LTV1: variants seen among roughly 807,000 people sequenced by gnomAD.
LTV1 encodes protein LTV1 homolog.
Under a neutral mutation model 59.9 loss-of-function variants are expected in LTV1, and 39 were observed. The ratio of observed to expected loss-of-function variants is 0.65; its 90% CI spans 0.50 to 0.85. The LOEUF is 0.85. LTV1 is among the 40% of genes least tolerant of loss of function. LTV1 has a pLI of 0.00. For synonymous variants in LTV1, 171 were observed against 189.5 expected, an observed-to-expected ratio of 0.90 and a Z score of 0.80; for missense variants, 493 against 549.1, an observed-to-expected ratio of 0.90 and a Z score of 1.02.
Position 143,846,057 on chromosome 6 carries a change from A to G in LTV1, c.142A>G (p.Asn48Asp). 1 of 1,612,608 alleles carries G rather than the reference A, an allele frequency of 6.2e-7. No homozygotes were observed. The highest frequency in any genetic ancestry group is 2.2e-5 in the East Asian group (1 of 44,878). Residue 48 changes from asparagine to aspartate, a missense_variant, in exon 3 of 11, where the codon AAT (asparagine) becomes GAT (aspartate). Transcript: ENST00000367576. The part of the protein sequence containing the change: ...RVLLPTQKID[N>D]EERRAEQRKY... ...AATTCCATTTCGTTTATAGATAGAC[A>G]ATGAAGAAAGGCGAGCAGAACAGAG... is the stretch of plus-strand genomic sequence containing the variant.
In LTV1 at chr6:143,862,933, G is replaced by T; in HGVS notation, c.1116+37G>T. On this transcript the variant is annotated intron_variant, in intron 9 of 10. Coordinates refer to ENST00000367576, the MANE Select transcript of LTV1 (RefSeq NM_032860.5). The surrounding 1 kb of genome is among the most constrained non-coding windows in gnomAD (Gnocchi z 4.2). The stretch of plus-strand genomic sequence containing the variant: ...TGTGCTGAGCTATTTGAAGGATGCA[G>T]TGCATAAAAAATAGAGTGCACATTT... 6.6e-7 allele frequency: 1 copy of T among 1,521,452 alleles called. No homozygotes were observed. Among genetic ancestry groups the T allele is most frequent in the Non-Finnish European group, 9.1e-7 (1 of 1,096,284 alleles). The allele number at this position is 1,521,452 out of a possible 1,614,324, so 94.2% of individuals were successfully genotyped here.
chr6:143,860,377 ACT>A (rs767310742), intron 6 of LTV1, 47 bp from the exon 7 acceptor site: 1 of 1,583,240 alleles, frequency 6.3e-7, no homozygotes, highest in Non-Finnish European at 8.6e-7. Context: ...GTGTAGTCTT[ACT>A]GAGTACATTT....
At chr6:143,852,190 A>G (rs941270532) in intron 4 of LTV1, among the ~76,000 whole-genome samples, 5 of 152,226 alleles carry the variant, frequency 3.3e-5, no homozygotes, top group African/African-American at 2.4e-5. Flanking sequence ...ACTCCCAACA[A>G]CAACATAAAA....
chr6:143,849,986 CT>C, intron 3 of LTV1, 144 bp from the exon 4 acceptor site: 2 of 593,438 alleles, frequency 3.4e-6, no homozygotes, highest in Non-Finnish European at 3.0e-6. Flanking sequence ...AAGACCTCAT[CT>C]TATTATAGTT....
At chr6:143,859,662 T>TC (rs1360479238) in intron 6 of LTV1, among the ~76,000 whole-genome samples, 1 of 152,112 alleles carries the variant, frequency 6.6e-6, no homozygotes, top group East Asian at 1.9e-4. Flanking sequence ...AGGAGATATA[T>TC]CCCCCCCATT....
At chr6:143,860,262 A>G (rs534962187) in intron 6 of LTV1, among the ~76,000 whole-genome samples, 164 bp from the exon 7 acceptor site, 12 of 152,326 alleles carry the variant, frequency 7.9e-5, no homozygotes, top group African/African-American at 2.6e-4. Flanking sequence ...TATCTTCCAC[A>G]TCCTATTGTT....
Position 143,855,605 on chromosome 6 carries a change from G to T in LTV1, c.398-1698G>T, listed in dbSNP as rs1033553440. Among the ~76,000 whole-genome samples, 5 of 152,084 alleles carry T rather than the reference G, an allele frequency of 3.3e-5. No individual in the cohort carries two copies. The highest frequency in any genetic ancestry group is 1.2e-4 in the African/African-American group (5 of 41,402). On this transcript the variant is annotated intron_variant, in intron 4 of 10. Transcript: ENST00000367576. The surrounding 1 kb of genome is among the most constrained non-coding windows in gnomAD (Gnocchi z 4.6). ...CCAGTTTTTCCTTTCCATATTTAGT[G>T]CTTCCTTCAGGAGCTCTTGTAAGGC...
chr6:143,846,531 A>G (rs1776893799), intron 3 of LTV1, among the ~76,000 whole-genome samples: 1 of 152,240 alleles, frequency 6.6e-6, no homozygotes, highest in Admixed American at 6.5e-5. Flanking sequence ...CATGTTAACA[A>G]CATAACTGTT....
At chr6:143,851,198 G>A (rs577809406) in intron 4 of LTV1, among the ~76,000 whole-genome samples, 3 of 152,290 alleles carry the variant, frequency 2.0e-5, no homozygotes, top group Admixed American at 2.0e-4. Flanking sequence ...AGAGGGTGTT[G>A]GAGGCCATGT....
rs1192829601 is a variant in LTV1 at position 143,862,094 on chromosome 6, C to T, written c.924-10C>T. The T allele has an allele frequency of 5.0e-6, 8 of 1,604,626 alleles. No individual in the cohort carries two copies. Among genetic ancestry groups the T allele is most frequent in the African/African-American group, 1.3e-5 (1 of 74,534 alleles). ...CTCTTGGTCTTCACTTTTAAAAACT[C>T]GTCTAAAAGTTGTGTAAAATTGAAT... On this transcript the variant is annotated splice_polypyrimidine_tract_variant and intron_variant, in intron 7 of 10. Coordinates refer to ENST00000367576, the MANE Select transcript of LTV1 (RefSeq NM_032860.5). This position sits in a 1 kb window ranked among gnomAD's most constrained non-coding sequence, Gnocchi z 4.2.
At position 143,862,795 on chromosome 6, in the gene LTV1, G is replaced by A. The variant is rs763744452; in HGVS notation, c.1064-49G>A. ...TAGTAGGAATTCAGTAATGCTTTGT[G>A]GAACTGAAAACATGCTTACTGATAC... is the stretch of plus-strand genomic sequence containing the variant. On this transcript the variant is annotated intron_variant, in intron 8 of 10. Coordinates refer to ENST00000367576, the MANE Select transcript of LTV1 (RefSeq NM_032860.5). The surrounding 1 kb of genome is among the most constrained non-coding windows in gnomAD (Gnocchi z 4.2). 2 of 1,144,060 alleles carry A rather than the reference G, an allele frequency of 1.7e-6. No individual in the cohort carries two copies. Among genetic ancestry groups the A allele is most frequent in the East Asian group, 2.3e-5 (1 of 42,562 alleles). The allele number at this position is 1,144,060 out of a possible 1,614,324, so 70.9% of individuals were successfully genotyped here.
At position 143,862,126 on chromosome 6, in the gene LTV1, G is replaced by A; in HGVS notation, c.946G>A (p.Glu316Lys). Residue 316 changes from glutamate to lysine, a missense_variant, in exon 8 of 11, where the codon GAA (glutamate) becomes AAA (lysine). Physicochemically the swap from Glu to Lys is moderately conservative, Grantham distance 56. Coordinates refer to ENST00000367576, the MANE Select transcript of LTV1 (RefSeq NM_032860.5). The surrounding 1 kb of genome is among the most constrained non-coding windows in gnomAD (Gnocchi z 4.2). ...AENCVKLNTL[E>K]PLEDQDLPMN... ...AAGTTGTGTAAAATTGAATACCCTT[G>A]AACCCTTGGAGGATCAAGACCTGCC... 2 of 1,613,882 alleles carry A rather than the reference G, an allele frequency of 1.2e-6. No homozygotes were observed. The highest frequency in any genetic ancestry group is 1.1e-5 in the South Asian group (1 of 91,044).
chr6:143,851,089 A>G (rs1776974826), intron 4 of LTV1, among the ~76,000 whole-genome samples: 1 of 152,146 alleles, frequency 6.6e-6, no homozygotes, highest in Non-Finnish European at 1.5e-5. Flanking sequence ...AGGCAAGAGA[A>G]CGTGAATATA....
chr6:143,862,804 A>AAGGCG lies in LTV1; in HGVS notation c.1064-39_1064-38insGGCGA. ...TTCAGTAATGCTTTGTGGAACTGAAAACATGCTTACTGATACATGACTTTT... is the reference window on the plus strand; with the variant it reads ...TTCAGTAATGCTTTGTGGAACTGAAAAGGCGACATGCTTACTGATACATGACTTTT... On this transcript the variant is annotated intron_variant, in intron 8 of 10. Coordinates refer to ENST00000367576, the MANE Select transcript of LTV1 (RefSeq NM_032860.5). The surrounding 1 kb of genome is among the most constrained non-coding windows in gnomAD (Gnocchi z 4.2). 1 of 1,277,912 alleles carries AAGGCG rather than the reference A, an allele frequency of 7.8e-7. No individual in the cohort carries two copies. Among genetic ancestry groups the AAGGCG allele is most frequent in the African/African-American group, 1.5e-5 (1 of 68,178 alleles). The allele number at this position is 1,277,912 out of a possible 1,614,324, so 79.2% of individuals were successfully genotyped here. A position where few individuals can be genotyped will look rare whatever the true frequency, so the allele number is the denominator to read the frequency against.
chr6:143,856,269 GT>G (rs1007806105), intron 4 of LTV1, among the ~76,000 whole-genome samples: 1 of 152,150 alleles, frequency 6.6e-6, no homozygotes, highest in African/African-American at 2.4e-5. Context: ...CCCTTGCTGT[GT>G]TTTTCAGCTC....
intron 3 of LTV1, among the ~76,000 whole-genome samples, chr6:143,846,701 A>G (rs11966718): frequency 0.014 from 2,176 of 152,326 alleles, 45 homozygotes; most frequent in African/African-American, 0.05. Context: ...GTCCACTTTA[A>G]TACCTTCTCT....
chr6:143,863,413 A>G lies in LTV1; in HGVS notation c.1318-4A>G, dbSNP rs1777207473. On this transcript the variant is annotated splice_region_variant and splice_polypyrimidine_tract_variant and intron_variant, in intron 10 of 10. Coordinates refer to ENST00000367576, the MANE Select transcript of LTV1 (RefSeq NM_032860.5). The surrounding 1 kb of genome is among the most constrained non-coding windows in gnomAD (Gnocchi z 4.5). ...ATACAAGTATATTCTTGTACTTATA[A>G]CAGGAACGAAGAGTGGAGAAGAAAG... 3.1e-6 allele frequency: 5 copies of G among 1,611,264 alleles called. No individual in the cohort carries two copies. The East Asian group carries it at 1.1e-4, about 36-fold the overall frequency.
At chr6:143,850,280 G>T (rs1286372152) in intron 4 of LTV1, 62 bp downstream of exon 4, 11 of 1,284,560 alleles carry the variant, frequency 8.6e-6, no homozygotes, top group Admixed American at 1.8e-5. Flanking sequence ...ATAAAGAAAT[G>T]ATGTAGGATT....
intron 3 of LTV1, among the ~76,000 whole-genome samples, chr6:143,847,235 T>C (rs1379989275): frequency 6.6e-6 from 1 of 152,254 alleles, no homozygotes; most frequent in Non-Finnish European, 1.5e-5. Context: ...ATTGGCTCAC[T>C]TGCTTCTATA....
Sources: allele counts gnomAD v4.1 joint callset (sites outside exome capture counted in the v4.1 genomes callset), GRCh38; gene constraint gnomAD v4.1.1; non-coding constraint Gnocchi (gnomAD v3.1); transcripts MANE v1.5; gene names NCBI Gene and HGNC (gene_info 2026-07-23, HGNC 2026-07-21).